ADAMTSL1: variants seen among roughly 807,000 people sequenced by gnomAD.
The protein encoded by ADAMTSL1 is ADAMTS like 1.
ADAMTSL1 carries 126 observed loss-of-function variants against 201.8 expected under a neutral mutation model. The ratio of observed to expected loss-of-function variants is 0.62; its 90% CI spans 0.54 to 0.72. The LOEUF (loss-of-function observed/expected upper bound fraction) is 0.72, where lower values mean the gene tolerates loss of function less well. ADAMTSL1 is among the 30% of genes least tolerant of loss of function. ADAMTSL1 has a pLI of 0.00. For synonymous variants in ADAMTSL1, 1,121 were observed against 903.4 expected, an observed-to-expected ratio of 1.24 and a Z score of -4.32; for missense variants, 2,679 against 2,277.8, an observed-to-expected ratio of 1.18 and a Z score of -3.59.
At chr9:18,295,752 C>T (rs752143795) in intron 2 of ADAMTSL1, among the ~76,000 whole-genome samples, 33 of 152,288 alleles carry the variant, frequency 2.2e-4, no homozygotes, top group African/African-American at 7.7e-4. Context: ...AGTTCATGTA[C>T]ATACTCCAAG....
At chr9:17,909,072 T>C (rs1825833074) in intron 1 of ADAMTSL1, among the ~76,000 whole-genome samples, 1 of 149,462 alleles carries the variant, frequency 6.7e-6, no homozygotes, top group Non-Finnish European at 1.5e-5. Context: ...TGATGGCCAG[T>C]GATGGTGAGC....
chr9:18,431,867 A>G (rs77984035), intron 2 of ADAMTSL1, among the ~76,000 whole-genome samples: 2,878 of 152,278 alleles, frequency 0.019, 88 homozygotes, highest in African/African-American at 0.065. Flanking sequence ...ATGCAGCACA[A>G]CTAATATCTA....
chr9:18,778,508 C>T (rs1383628041), intron 19 of ADAMTSL1, among the ~76,000 whole-genome samples: 1 of 152,228 alleles, frequency 6.6e-6, no homozygotes, highest in Non-Finnish European at 1.5e-5. Flanking sequence ...GCATGTATCA[C>T]TTCCTTGTCT....
At chr9:18,642,735 C>T (rs1456699709) in intron 7 of ADAMTSL1, among the ~76,000 whole-genome samples, 1 of 151,958 alleles carries the variant, frequency 6.6e-6, no homozygotes, top group Non-Finnish European at 1.5e-5. Flanking sequence ...TCTCCAGGTT[C>T]ATCCACATTG....
In ADAMTSL1 at chr9:18,849,527, T is replaced by G. The variant is rs75910082; in HGVS notation, c.4249+19550T>G. 6.7e-3 allele frequency among the ~76,000 whole-genome samples: 1,013 copies of G among 152,238 alleles called. 5 individuals carry two copies. Among genetic ancestry groups the G allele is most frequent in the Non-Finnish European group, 0.011 (723 of 68,024 alleles). ...ACAGCAAGTTCTGATGGTCAAAGGT[T>G]AGGTAAAAATTAATCCACACTGCAG... On this transcript the variant is annotated intron_variant, in intron 23 of 28. Transcript: ENST00000380548.
chr9:18,800,473 A>G (rs1822724021), intron 20 of ADAMTSL1, among the ~76,000 whole-genome samples: 1 of 151,542 alleles, frequency 6.6e-6, no homozygotes, highest in South Asian at 2.1e-4. Flanking sequence ...CTAAGCTGCC[A>G]TCAAGGAGAT....
intron 1 of ADAMTSL1, among the ~76,000 whole-genome samples, chr9:18,135,582 C>A (rs1485602471): frequency 6.6e-6 from 1 of 151,912 alleles, no homozygotes; most frequent in African/African-American, 2.4e-5. Context: ...AACTGCTGAG[C>A]CCAGGAGTTT....
At chr9:18,292,424 T>A (rs1833309934) in intron 2 of ADAMTSL1, among the ~76,000 whole-genome samples, 1 of 152,136 alleles carries the variant, frequency 6.6e-6, no homozygotes, top group East Asian at 1.9e-4. Context: ...CTGTGATGAT[T>A]AATATTGAGC....
Position 18,254,647 on chromosome 9 carries a change from G to A in ADAMTSL1, c.207+90666G>A, listed in dbSNP as rs536178269. ...CAAAGTGCTGGGATTACAGGCGTGA[G>A]CCACCGCGCCTGCCCCCCCGCCCCC... On this transcript the variant is annotated intron_variant, in intron 2 of 29. Transcript: ENST00000680146. 8.0e-4 allele frequency among the ~76,000 whole-genome samples: 118 copies of A among 148,396 alleles called. 1 individual carries two copies. Among genetic ancestry groups the A allele is most frequent in the African/African-American group, 2.9e-3 (116 of 39,614 alleles).
At position 18,118,683 on chromosome 9, in the gene ADAMTSL1, T is replaced by A. The variant is rs574064639; in HGVS notation, c.88-45179T>A. ...TGCAGATGGGACAATTTTATCCTTC[T>A]ACACTCAGCCCTAGGATTAGGTGGG... is the stretch of plus-strand genomic sequence containing the variant. On this transcript the variant is annotated intron_variant, in intron 1 of 29. Transcript: ENST00000680146. Among the ~76,000 whole-genome samples, 6 of 152,310 alleles carry A rather than the reference T, an allele frequency of 3.9e-5. No individual in the cohort carries two copies. In the South Asian group the frequency reaches 1.2e-3, roughly 32 times the overall value.
chr9:18,504,299 C>A (rs1236489076), intron 1 of ADAMTSL1, among the ~76,000 whole-genome samples: 1 of 152,102 alleles, frequency 6.6e-6, no homozygotes, highest in Non-Finnish European at 1.5e-5. Flanking sequence ...AGAGGCAATC[C>A]GTGCATTGCT....
At chr9:18,053,762 C>T (rs1270733416) in intron 1 of ADAMTSL1, among the ~76,000 whole-genome samples, 4 of 152,214 alleles carry the variant, frequency 2.6e-5, no homozygotes, top group Admixed American at 2.6e-4. Context: ...TTACTGAGCA[C>T]TCTTGATGTA....
chr9:18,720,209 C>A (rs1053864408), intron 14 of ADAMTSL1, among the ~76,000 whole-genome samples: 4 of 152,116 alleles, frequency 2.6e-5, no homozygotes, highest in African/African-American at 9.7e-5. Context: ...AATATTAAGT[C>A]TATCAGTCAG....
upstream of ADAMTSL1, among the ~76,000 whole-genome samples, chr9:18,472,626 G>C (rs1821261302): frequency 6.6e-6 from 1 of 152,164 alleles, no homozygotes; most frequent in Non-Finnish European, 1.5e-5. Context: ...CAACGCAGCA[G>C]GTATGTACAT....
intron 4 of ADAMTSL1, among the ~76,000 whole-genome samples, chr9:18,603,543 C>G (rs181938693): frequency 2.0e-5 from 3 of 152,280 alleles, no homozygotes; most frequent in Non-Finnish European, 4.4e-5. Flanking sequence ...ATAGGACCAG[C>G]TGGTATTTAG....
intron 2 of ADAMTSL1, among the ~76,000 whole-genome samples, chr9:18,172,856 T>C (rs1827966041): frequency 6.6e-6 from 1 of 152,128 alleles, no homozygotes; most frequent in Admixed American, 6.6e-5. Context: ...TTTTACAACA[T>C]GGCATCATTT....
intron 2 of ADAMTSL1, among the ~76,000 whole-genome samples, chr9:18,465,561 C>G (rs1055264055): frequency 2.6e-5 from 4 of 152,102 alleles, no homozygotes; most frequent in Admixed American, 2.6e-4. Flanking sequence ...ATGGGCGTTT[C>G]TTGGAATTAC....
intron 2 of ADAMTSL1, among the ~76,000 whole-genome samples, chr9:18,194,654 G>A (rs1033626802): frequency 6.6e-6 from 1 of 152,102 alleles, no homozygotes; most frequent in Non-Finnish European, 1.5e-5. Flanking sequence ...TCCCAGCAGT[G>A]TATATGCCTC....
At chr9:18,786,744 G>A (rs1043359854) in intron 19 of ADAMTSL1, among the ~76,000 whole-genome samples, 10 of 152,204 alleles carry the variant, frequency 6.6e-5, no homozygotes, top group African/African-American at 1.9e-4. Context: ...GGAAAACAGC[G>A]TGATGGAGAA....
Sources: allele counts gnomAD v4.1 joint callset (sites outside exome capture counted in the v4.1 genomes callset), GRCh38; gene constraint gnomAD v4.1.1; transcripts MANE v1.5; gene names NCBI Gene and HGNC (gene_info 2026-07-23, HGNC 2026-07-21).